The following SORCS1 variants were observed in gnomAD, a reference collection of about 807,000 sequenced individuals.
SORCS1 encodes the protein sortilin related VPS10 domain containing receptor 1.
Under a neutral mutation model 146.1 loss-of-function variants are expected in SORCS1, and 60 were observed. That is an observed-to-expected ratio of 0.41 (90% CI 0.33 to 0.51). The LOEUF is 0.51. Ranked by LOEUF, SORCS1 falls within the 20% of genes least tolerant of loss-of-function variation. The pLI, the probability that SORCS1 is intolerant of heterozygous loss-of-function variation, is 0.21. For missense variants in SORCS1, 1,352 were observed against 1,487.6 expected (o/e 0.91, Z 1.50); for synonymous variants, 637 against 584.0 (o/e 1.09, Z -1.31).
intron 1 of SORCS1, among the ~76,000 whole-genome samples, chr10:107,038,876 A>G (rs758676721): frequency 1.3e-5 from 2 of 152,168 alleles, no homozygotes; most frequent in African/African-American, 4.8e-5. Flanking sequence ...TAATCTTTCA[A>G]TCCTGAATGC....
intron 4 of SORCS1, among the ~76,000 whole-genome samples, chr10:106,762,769 T>C (rs953730258): frequency 6.6e-6 from 1 of 152,028 alleles, no homozygotes; most frequent in Non-Finnish European, 1.5e-5. Context: ...TGATATATTT[T>C]ATGAGTGCCA....
intron 3 of SORCS1, among the ~76,000 whole-genome samples, chr10:106,788,554 C>T (rs1946166496): frequency 6.6e-6 from 1 of 152,206 alleles, no homozygotes; most frequent in Non-Finnish European, 1.5e-5. Flanking sequence ...CTACAGGTCC[C>T]ACACAAGTCT....
chr10:106,908,664 A>C (rs1044960874), intron 2 of SORCS1, among the ~76,000 whole-genome samples: 2 of 152,170 alleles, frequency 1.3e-5, no homozygotes, highest in African/African-American at 4.8e-5. Context: ...TTCTTTCCCA[A>C]GAGCCCAGCA....
chr10:106,744,589 A>C (rs1300077381), intron 5 of SORCS1, among the ~76,000 whole-genome samples: 1 of 152,192 alleles, frequency 6.6e-6, no homozygotes, highest in African/African-American at 2.4e-5. Context: ...TAGAATATTT[A>C]CCTTATGACT....
At chr10:106,818,443 G>A (rs1947851468) in intron 3 of SORCS1, among the ~76,000 whole-genome samples, 1 of 150,268 alleles carries the variant, frequency 6.7e-6, no homozygotes. Flanking sequence ...TTGGCTCACT[G>A]CAAACTCCAC....
intron 24 of SORCS1, among the ~76,000 whole-genome samples, chr10:106,595,576 A>G (rs1026514128): frequency 6.6e-6 from 1 of 152,192 alleles, no homozygotes; most frequent in African/African-American, 2.4e-5. Flanking sequence ...AAACAACAAG[A>G]GCAATAAAAT....
intron 2 of SORCS1, among the ~76,000 whole-genome samples, chr10:106,934,707 T>C (rs1015178261): frequency 6.6e-6 from 1 of 152,218 alleles, no homozygotes; most frequent in African/African-American, 2.4e-5. Flanking sequence ...GTGGTATATG[T>C]ACATCATAGA....
chr10:107,036,249 A>C (rs969889349), intron 1 of SORCS1, among the ~76,000 whole-genome samples: 16 of 152,198 alleles, frequency 1.1e-4, no homozygotes, highest in Non-Finnish European at 2.2e-4. Context: ...CTATTTTCTC[A>C]TAGAATTTAC....
intron 1 of SORCS1, among the ~76,000 whole-genome samples, chr10:106,995,751 G>C (rs569891702): frequency 6.6e-6 from 1 of 152,100 alleles, no homozygotes; most frequent in Admixed American, 6.5e-5. Flanking sequence ...AGTGACAGTA[G>C]CAGCAACAAT....
chr10:106,963,083 A>G (rs1057416041), intron 1 of SORCS1, among the ~76,000 whole-genome samples: 5 of 148,198 alleles, frequency 3.4e-5, no homozygotes, highest in Admixed American at 6.8e-5. Context: ...GTTGGATAAA[A>G]TAAGAGAGCA....
intron 1 of SORCS1, among the ~76,000 whole-genome samples, chr10:106,976,339 T>TTTTTGTTTTTTG (rs1554901382): frequency 1.4e-5 from 2 of 140,856 alleles, no homozygotes. Context: ...TTTTGTTTTT[T>TTTTTGTTTTTTG]TTTTTTTTTT....
At chr10:106,670,660 T>C (rs551063070) in intron 16 of SORCS1, among the ~76,000 whole-genome samples, 70 of 152,024 alleles carry the variant, frequency 4.6e-4, no homozygotes, top group Non-Finnish European at 8.8e-4. Context: ...GTGTTTCCAG[T>C]GTTGCTGTTT....
At chr10:107,169,736 T>G in the SORCS1 span, among the ~76,000 whole-genome samples, 1 of 152,198 alleles carries the variant, frequency 6.6e-6, no homozygotes, top group Non-Finnish European at 1.5e-5. Flanking sequence ...ACAAATAAAT[T>G]TATCTAAGGT....
At chr10:106,954,539 T>C (rs933058119) in intron 2 of SORCS1, among the ~76,000 whole-genome samples, 2 of 152,206 alleles carry the variant, frequency 1.3e-5, no homozygotes, top group Non-Finnish European at 2.9e-5. Flanking sequence ...GGCTGTCTTG[T>C]GGCTTGAAGG....
chr10:106,808,525 C>T lies in SORCS1; in HGVS notation c.726+21049G>A, dbSNP rs576398907. Among the ~76,000 whole-genome samples, 36 of 152,050 alleles carry T rather than the reference C, an allele frequency of 2.4e-4. No individual in the cohort carries two copies. In the East Asian group the frequency reaches 4.5e-3, roughly 19 times the overall value. ...ATTTTATTTATTTATTTATGTGAGG[C>T]GGAGTGTCGCTCTGTCGCCCAGTCT... On this transcript the variant is annotated intron_variant, in intron 3 of 25. Coordinates refer to ENST00000263054, the MANE Select transcript of SORCS1 (RefSeq NM_052918.5).
intron 2 of SORCS1, among the ~76,000 whole-genome samples, chr10:106,851,699 C>T (rs1040436075): frequency 6.6e-6 from 1 of 152,202 alleles, no homozygotes. Flanking sequence ...TCCTACATCT[C>T]CATATAAACT....
intron 1 of SORCS1, among the ~76,000 whole-genome samples, chr10:107,096,536 G>A (rs1057146004): frequency 3.3e-5 from 5 of 152,018 alleles, no homozygotes; most frequent in Admixed American, 1.3e-4. Context: ...ATTTTGAGAC[G>A]GAGTCTCCTT....
chr10:107,160,119 G>A (rs566340926), intron 1 of SORCS1, among the ~76,000 whole-genome samples: 5 of 152,276 alleles, frequency 3.3e-5, no homozygotes, highest in East Asian at 3.9e-4. Flanking sequence ...TAATGTCCTC[G>A]CTTTTCTACA....
intron 24 of SORCS1, among the ~76,000 whole-genome samples, chr10:106,582,167 T>C (rs1414771343): frequency 6.6e-6 from 1 of 151,638 alleles, no homozygotes; most frequent in African/African-American, 2.4e-5. Flanking sequence ...ACATGAACCT[T>C]TTCCCTTCTC....
Sources: gnomAD v4.1 joint callset for allele counts (sites outside exome capture counted in the v4.1 genomes callset) on GRCh38, gnomAD v4.1.1 for gene constraint, MANE v1.5 for transcripts, NCBI Gene and HGNC (gene_info 2026-07-23, HGNC 2026-07-21) for gene names.